Variants in MEIS2 observed in about 807,000 individuals in gnomAD.
MEIS2 encodes homeobox protein Meis2.
A neutral mutation model predicts 58.6 loss-of-function variants in MEIS2; 9 were observed. The observed-to-expected ratio is 0.15, with a 90% CI of 0.09 to 0.27. The LOEUF (loss-of-function observed/expected upper bound fraction) is 0.27. Among genes scored for constraint, MEIS2 ranks in the 10% least tolerant of loss-of-function variants. The pLI, the probability that MEIS2 is intolerant of heterozygous loss-of-function variation, is 1.00. For synonymous variants in MEIS2, 221 were observed against 228.4 expected (o/e 0.97, Z 0.29); for missense variants, 427 against 635.0 (o/e 0.67, Z 3.52).
intron 6 of MEIS2, among the ~76,000 whole-genome samples, chr15:37,090,531 T>C (rs1893387596): frequency 6.6e-6 from 1 of 152,182 alleles, no homozygotes; most frequent in Non-Finnish European, 1.5e-5. Flanking sequence ...TATTTATATT[T>C]ATTACTTTTA....
intron 8 of MEIS2, among the ~76,000 whole-genome samples, chr15:37,010,753 A>G (rs2061121439): frequency 6.6e-6 from 1 of 152,224 alleles, no homozygotes; most frequent in South Asian, 2.1e-4. Flanking sequence ...GAATTTTAAA[A>G]CTTAATTGAA....
At chr15:37,098,427 A>C in intron 1 of MEIS2, 2 of 1,208,170 alleles carry the variant, frequency 1.7e-6, no homozygotes, top group Non-Finnish European at 2.1e-6. Context: ...AGAGAGAGAA[A>C]ATAAAAATAA....
intron 8 of MEIS2, among the ~76,000 whole-genome samples, chr15:36,994,585 A>G (rs2060410283): frequency 1.3e-5 from 2 of 152,332 alleles, no homozygotes; most frequent in South Asian, 4.1e-4. Flanking sequence ...TGAAGTTGAA[A>G]TAATTAGATC....
intron 9 of MEIS2, among the ~76,000 whole-genome samples, chr15:36,908,348 A>C (rs1387332056): frequency 1.3e-5 from 2 of 152,208 alleles, no homozygotes; most frequent in Non-Finnish European, 2.9e-5. Context: ...GCAAACCAGC[A>C]GTTATGCCAC....
At chr15:37,059,169 T>C (rs1888850110) in intron 7 of MEIS2, among the ~76,000 whole-genome samples, 1 of 152,172 alleles carries the variant, frequency 6.6e-6, no homozygotes, top group Non-Finnish European at 1.5e-5. Context: ...TCCCAGTTAC[T>C]AGGGGAGCAG....
At chr15:36,927,997 T>A (rs2057816144) in intron 9 of MEIS2, among the ~76,000 whole-genome samples, 1 of 152,210 alleles carries the variant, frequency 6.6e-6, no homozygotes, top group Non-Finnish European at 1.5e-5. Flanking sequence ...CTGGTTTTCA[T>A]GACCATTTTG....
At chr15:36,906,662 A>C (rs555294824) in intron 9 of MEIS2, among the ~76,000 whole-genome samples, 29 of 151,766 alleles carry the variant, frequency 1.9e-4, no homozygotes, top group African/African-American at 6.8e-4. Flanking sequence ...AAAAAAAAAA[A>C]AAAAAAAAAC....
chr15:36,956,916 C>CAAAAAA (rs2059000109), intron 8 of MEIS2, among the ~76,000 whole-genome samples: 1 of 130,516 alleles, frequency 7.7e-6, no homozygotes. Flanking sequence ...AAAGGAGAAG[C>CAAAAAA]ATGAGGAGGA....
intron 8 of MEIS2, among the ~76,000 whole-genome samples, chr15:37,033,837 G>C (rs1230552893): frequency 3.3e-5 from 5 of 152,090 alleles, no homozygotes; most frequent in East Asian, 1.9e-4. Flanking sequence ...AAATCTTTCA[G>C]CTCATTAAAG....
intron 9 of MEIS2, among the ~76,000 whole-genome samples, chr15:36,924,231 A>G (rs1241768769): frequency 6.6e-6 from 1 of 152,200 alleles, no homozygotes; most frequent in Non-Finnish European, 1.5e-5. Flanking sequence ...CTCCTGGCAC[A>G]AGACCAGTCT....
intron 6 of MEIS2, among the ~76,000 whole-genome samples, chr15:37,091,647 A>G (rs1391845010): frequency 6.6e-6 from 1 of 152,208 alleles, no homozygotes; most frequent in African/African-American, 2.4e-5. Flanking sequence ...ATATTTAAAT[A>G]TTACAATAGT....
At chr15:36,917,237 C>G (rs753315527) in intron 9 of MEIS2, among the ~76,000 whole-genome samples, 4 of 152,080 alleles carry the variant, frequency 2.6e-5, no homozygotes, top group East Asian at 1.9e-4. Context: ...TAAAATGGAG[C>G]CTTGGAAATT....
At chr15:37,000,104 G>T (rs1006794190) in intron 8 of MEIS2, among the ~76,000 whole-genome samples, 3 of 152,184 alleles carry the variant, frequency 2.0e-5, no homozygotes, top group Admixed American at 6.5e-5. Flanking sequence ...CAAATCTGGC[G>T]TGATAGCTAA....
chr15:36,933,603 G>A (rs2058059231), intron 9 of MEIS2, among the ~76,000 whole-genome samples: 1 of 150,604 alleles, frequency 6.6e-6, no homozygotes, highest in Non-Finnish European at 1.5e-5. Context: ...TGTGTGTGTG[G>A]TGGGGGTGGG....
intron 3 of MEIS2, chr15:37,096,069 G>A: frequency 1.9e-6 from 1 of 514,858 alleles, no homozygotes; most frequent in East Asian, 3.1e-5. Context: ...TTCGAGGGTC[G>A]ACCCCTGTAT....
rs998221261 is a variant in MEIS2 at position 36,900,921 on chromosome 15, A to G, written c.978-4235T>C. 6 of 152,310 alleles carry G rather than the reference A, an allele frequency of 3.9e-5. No homozygotes were observed. The East Asian group carries it at 1.2e-3, about 29-fold the overall frequency. The allele number at this position is 152,310 out of a possible 1,614,324, so 9.4% of individuals were successfully genotyped here. On this transcript the variant is annotated intron_variant, in intron 9 of 11. Coordinates refer to ENST00000561208, the MANE Select transcript of MEIS2 (RefSeq NM_170675.5). Reference sequence around the variant, plus strand: ...ATAAATCCCTTCTTTCTGGTTCACTAACTTCATGCCACACCTGGTAACCAA... The same window carrying G: ...ATAAATCCCTTCTTTCTGGTTCACTGACTTCATGCCACACCTGGTAACCAA...
intron 8 of MEIS2, among the ~76,000 whole-genome samples, chr15:36,990,288 T>C (rs182049971): frequency 2.6e-5 from 4 of 152,204 alleles, no homozygotes; most frequent in Non-Finnish European, 5.9e-5. Flanking sequence ...GAAAACAGTT[T>C]GATTTAAAGT....
chr15:37,063,021 G>A lies in MEIS2; in HGVS notation c.754+20750C>T, dbSNP rs558801036. On this transcript the variant is annotated intron_variant, in intron 7 of 11. Transcript: ENST00000561208. ...CCTGTCACCAAATCAATACTTACAG[G>A]GTGGATTTTTAGAAAAGAGCTGATC... 3.3e-5 allele frequency among the ~76,000 whole-genome samples: 5 copies of A among 152,118 alleles called. No homozygotes were observed. The East Asian group carries it at 9.7e-4, about 29-fold the overall frequency.
intron 7 of MEIS2, among the ~76,000 whole-genome samples, chr15:37,040,976 G>A (rs1259200390): frequency 6.6e-6 from 1 of 152,198 alleles, no homozygotes; most frequent in African/African-American, 2.4e-5. Context: ...TATCTAAATT[G>A]AAATGAGATG....
Sources: allele counts gnomAD v4.1 joint callset (sites outside exome capture counted in the v4.1 genomes callset), GRCh38; gene constraint gnomAD v4.1.1; transcripts MANE v1.5; gene names NCBI Gene and HGNC (gene_info 2026-07-23, HGNC 2026-07-21).